ACTL8: variants seen among roughly 807,000 people sequenced by gnomAD.
ACTL8 encodes the protein actin-like protein 8.
Under a neutral mutation model 9.3 loss-of-function variants are expected in ACTL8, and 3 were observed. The observed-to-expected ratio is 0.32, with a 90% CI of 0.15 to 0.83. The LOEUF is 0.83. ACTL8 is among the 40% of genes least tolerant of loss of function. ACTL8 has a pLI of 0.57. For synonymous variants in ACTL8, 224 were observed against 205.9 expected (o/e 1.09, Z -0.75); for missense variants, 381 against 492.2 (o/e 0.77, Z 2.14).
intron 1 of ACTL8, among the ~76,000 whole-genome samples, chr1:17,773,067 G>C (rs534879393): frequency 1.2e-4 from 18 of 152,162 alleles, no homozygotes; most frequent in Non-Finnish European, 7.3e-5. Flanking sequence ...TCGCTGCGTC[G>C]GACACTGTCG....
At chr1:17,781,879 A>G (rs1396275724) in intron 1 of ACTL8, among the ~76,000 whole-genome samples, 1 of 152,190 alleles carries the variant, frequency 6.6e-6, no homozygotes, top group Non-Finnish European at 1.5e-5. Context: ...TCTGGCAGAT[A>G]GGGCTATTGG....
At chr1:17,820,592 A>C (rs888961884) in intron 1 of ACTL8, among the ~76,000 whole-genome samples, 60 of 129,322 alleles carry the variant, frequency 4.6e-4, no homozygotes, top group Non-Finnish European at 1.5e-4. Context: ...TTTGAGATGG[A>C]GTTTTGCTCT....
At chr1:17,774,443 TACTGGGGG>T (rs1218677216) in intron 1 of ACTL8, among the ~76,000 whole-genome samples, 2 of 151,556 alleles carry the variant, frequency 1.3e-5, no homozygotes, top group Non-Finnish European at 2.9e-5. Flanking sequence ...GGGGACAGGA[TACTGGGGG>T]ACTGGGGGTA....
At chr1:17,774,298 CGCCCTTGCCCACGCTGGGGGGTGGGG>C (rs2066102937) in intron 1 of ACTL8, among the ~76,000 whole-genome samples, 1 of 152,114 alleles carries the variant, frequency 6.6e-6, no homozygotes, top group Non-Finnish European at 1.5e-5. Flanking sequence ...AACAGCTAGG[CGCCCTTGCCCACGCTGGGGGGTGGGG>C]GCGGGGTGTA....
At chr1:17,818,444 C>G (rs1418794046) in intron 1 of ACTL8, among the ~76,000 whole-genome samples, 3 of 152,216 alleles carry the variant, frequency 2.0e-5, no homozygotes, top group East Asian at 1.9e-4. Flanking sequence ...GGCCAAGCCC[C>G]CAGTGGCCTC....
intron 1 of ACTL8, among the ~76,000 whole-genome samples, chr1:17,770,756 G>A (rs2066077192): frequency 6.6e-6 from 1 of 152,160 alleles, no homozygotes; most frequent in African/African-American, 2.4e-5. Context: ...GGTCATTCTC[G>A]CCATGCACAG....
chr1:17,800,988 G>T (rs527397904), intron 1 of ACTL8, among the ~76,000 whole-genome samples: 1 of 152,298 alleles, frequency 6.6e-6, no homozygotes, highest in East Asian at 1.9e-4. Flanking sequence ...TCCAGTCAAG[G>T]AAATTCTCTT....
At chr1:17,772,082 C>T (rs773613492) in intron 1 of ACTL8, among the ~76,000 whole-genome samples, 6 of 152,160 alleles carry the variant, frequency 3.9e-5, no homozygotes, top group Non-Finnish European at 7.3e-5. Flanking sequence ...GCAGTGCATG[C>T]GCTTCGTGTA....
At chr1:17,770,102 G>C (rs960820207) in intron 1 of ACTL8, among the ~76,000 whole-genome samples, 8 of 152,334 alleles carry the variant, frequency 5.3e-5, no homozygotes, top group Non-Finnish European at 8.8e-5. Context: ...TGAGCTCAGA[G>C]TTAATAATGG....
At chr1:17,761,223 G>A (rs1358944300) in intron 1 of ACTL8, among the ~76,000 whole-genome samples, 3 of 148,886 alleles carry the variant, frequency 2.0e-5, no homozygotes, top group Non-Finnish European at 4.4e-5. Flanking sequence ...CAGCCCTCCC[G>A]GCCTCCCAAA....
At chr1:17,766,139 G>A (rs2066042809) in intron 1 of ACTL8, among the ~76,000 whole-genome samples, 2 of 152,204 alleles carry the variant, frequency 1.3e-5, no homozygotes, top group Non-Finnish European at 2.9e-5. Flanking sequence ...AGGCATCTGG[G>A]TGCTCCACGG....
At chr1:17,770,333 C>CA (rs897606891) in intron 1 of ACTL8, among the ~76,000 whole-genome samples, 15 of 152,204 alleles carry the variant, frequency 9.9e-5, no homozygotes, top group Non-Finnish European at 2.1e-4. Context: ...TTTCATAACT[C>CA]AGACAGCAGT....
At chr1:17,810,162 G>T (rs1033369978) in intron 1 of ACTL8, among the ~76,000 whole-genome samples, 1 of 152,168 alleles carries the variant, frequency 6.6e-6, no homozygotes, top group Non-Finnish European at 1.5e-5. Flanking sequence ...CTTCAAAGTT[G>T]TCTTGCTGTC....
chr1:17,809,462 A>T (rs1440783248), intron 1 of ACTL8, among the ~76,000 whole-genome samples: 2 of 152,112 alleles, frequency 1.3e-5, no homozygotes, highest in African/African-American at 4.8e-5. Flanking sequence ...AGGGACAGAG[A>T]GAAAGGAAAG....
chr1:17,761,124 T>C (rs911872253), intron 1 of ACTL8, among the ~76,000 whole-genome samples: 1 of 151,200 alleles, frequency 6.6e-6, no homozygotes, highest in Non-Finnish European at 1.5e-5. Context: ...ACAGGGGTCA[T>C]TGCGGCTTAA....
chr1:17,813,942 TAG>T (rs2066408762), intron 1 of ACTL8, among the ~76,000 whole-genome samples: 1 of 152,240 alleles, frequency 6.6e-6, no homozygotes, highest in African/African-American at 2.4e-5. Flanking sequence ...TTTGTGTCTG[TAG>T]AGTCTGAAGT....
At chr1:17,816,862 C>G (rs927769815) in intron 1 of ACTL8, among the ~76,000 whole-genome samples, 3 of 152,116 alleles carry the variant, frequency 2.0e-5, no homozygotes, top group African/African-American at 7.2e-5. Flanking sequence ...GTCTTATGTC[C>G]AGAGAGACAG....
chr1:17,788,969 G>A (rs913921423), intron 1 of ACTL8, among the ~76,000 whole-genome samples: 11 of 152,328 alleles, frequency 7.2e-5, no homozygotes, highest in East Asian at 3.9e-4. Flanking sequence ...AGGTATACAC[G>A]AATTTGCAGG....
At chr1:17,780,901 G>A (rs1191700703) in intron 1 of ACTL8, among the ~76,000 whole-genome samples, 2 of 152,120 alleles carry the variant, frequency 1.3e-5, no homozygotes, top group Non-Finnish European at 2.9e-5. Context: ...TGGAGTCTGT[G>A]GTCTCTCTGG....
Sources: gnomAD v4.1 joint callset for allele counts (sites outside exome capture counted in the v4.1 genomes callset) on GRCh38, gnomAD v4.1.1 for gene constraint, MANE v1.5 for transcripts, NCBI Gene and HGNC (gene_info 2026-07-23, HGNC 2026-07-21) for gene names.